Variants in UPF2 observed in about 807,000 individuals in gnomAD.
UPF2 encodes the protein UPF2 regulator of nonsense mediated mRNA decay.
In UPF2, 17 loss-of-function variants were observed where a neutral mutation model predicts 141.4. The observed-to-expected ratio is 0.12, with a 90% CI of 0.08 to 0.18. The LOEUF is 0.18. Ranked by LOEUF, UPF2 falls within the 10% of genes least tolerant of loss-of-function variation. The pLI is 1.00. For synonymous variants in UPF2, 540 were observed against 498.0 expected, an observed-to-expected ratio of 1.08 and a Z score of -1.12; for missense variants, 1,152 against 1,515.9, an observed-to-expected ratio of 0.76 and a Z score of 3.99.
chr10:11,939,148 G>A lies in UPF2; in HGVS notation c.3379-2436C>T, dbSNP rs1237505067. Among the ~76,000 whole-genome samples the A allele has an allele frequency of 6.6e-6, 1 of 152,032 alleles. No homozygotes were observed. The highest frequency in any genetic ancestry group is 1.5e-5 in the Non-Finnish European group (1 of 67,998). ...GCCTCCCAAAGTGATGGGATTACAG[G>A]CATTGAGCCACTGTGCCTGGCCAGC... is the stretch of plus-strand genomic sequence containing the variant. On this transcript the variant is annotated intron_variant, in intron 18 of 21. Coordinates refer to ENST00000357604, the MANE Select transcript of UPF2 (RefSeq NM_015542.4). The surrounding 1 kb of genome is among the most constrained non-coding windows in gnomAD (Gnocchi z 4.8).
chr10:12,001,136 C>T (rs926354973), intron 6 of UPF2, among the ~76,000 whole-genome samples: 3 of 152,050 alleles, frequency 2.0e-5, no homozygotes, highest in Admixed American at 6.6e-5. Context: ...TATTTAGGGC[C>T]GGGTGCGGTG....
chr10:11,940,176 G>A lies in UPF2; in HGVS notation c.3378+2489C>T, dbSNP rs528854238. On this transcript the variant is annotated intron_variant, in intron 18 of 21. Coordinates refer to ENST00000357604, the MANE Select transcript of UPF2 (RefSeq NM_015542.4). The surrounding 1 kb of genome is among the most constrained non-coding windows in gnomAD (Gnocchi z 4.2). The stretch of plus-strand genomic sequence containing the variant: ...CTCCAGCACAAAAAGCACATCTCCT[G>A]CAAAAATGTGAATTCGAACTTCCCT... Among the ~76,000 whole-genome samples the A allele has an allele frequency of 6.6e-6, 1 of 152,298 alleles. No individual in the cohort carries two copies. The highest frequency in any genetic ancestry group is 1.9e-4 in the East Asian group (1 of 5,186).
At chr10:11,985,653 A>T (rs1245539815) in intron 8 of UPF2, among the ~76,000 whole-genome samples, 1 of 151,832 alleles carries the variant, frequency 6.6e-6, no homozygotes, top group Non-Finnish European at 1.5e-5. Context: ...AACAAAAAAA[A>T]AGAATGCTTT....
At chr10:12,007,834 GTAATAATAATAA>G (rs140872031) in intron 4 of UPF2, among the ~76,000 whole-genome samples, 44 of 134,564 alleles carry the variant, frequency 3.3e-4, no homozygotes, top group Admixed American at 1.4e-3. Context: ...CCGTCTCAAA[GTAATAATAATAA>G]TAATAATAAT....
At chr10:11,954,867 ATGAG>A (rs1833125230) in intron 14 of UPF2, among the ~76,000 whole-genome samples, 1 of 150,758 alleles carries the variant, frequency 6.6e-6, no homozygotes, top group African/African-American at 2.4e-5. Flanking sequence ...CAGAATATAC[ATGAG>A]TGAGAAGAGA....
intron 1 of UPF2, among the ~76,000 whole-genome samples, chr10:12,041,552 C>T (rs1347406267): frequency 6.6e-6 from 1 of 152,150 alleles, no homozygotes; most frequent in African/African-American, 2.4e-5. Flanking sequence ...CTTTTAAAGA[C>T]ATTCCCTTGC....
At chr10:12,012,557 C>T (rs1489422676) in intron 4 of UPF2, among the ~76,000 whole-genome samples, 2 of 151,290 alleles carry the variant, frequency 1.3e-5, no homozygotes, top group African/African-American at 4.9e-5. Flanking sequence ...AGGTGTACCT[C>T]GGCCCACAGC....
At chr10:12,010,356 A>G (rs1307929078) in intron 4 of UPF2, among the ~76,000 whole-genome samples, 1 of 152,266 alleles carries the variant, frequency 6.6e-6, no homozygotes, top group Non-Finnish European at 1.5e-5. Flanking sequence ...ACTTTAAAAC[A>G]GTTATTGTAA....
intron 3 of UPF2, among the ~76,000 whole-genome samples, chr10:12,015,585 C>T (rs1248856229): frequency 6.6e-6 from 1 of 152,092 alleles, no homozygotes; most frequent in Non-Finnish European, 1.5e-5. Flanking sequence ...ACCTGTAATC[C>T]CAGTTACTCA....
chr10:11,986,716 T>C (rs1164306916), intron 8 of UPF2, among the ~76,000 whole-genome samples: 1 of 152,150 alleles, frequency 6.6e-6, no homozygotes, highest in Non-Finnish European at 1.5e-5. Flanking sequence ...CTGGGGTCAT[T>C]TACTCTGAAA....
rs1161633818 is a variant in UPF2 at position 11,921,964 on chromosome 10, AG to A, written c.3810-658del. 6.6e-6 allele frequency among the ~76,000 whole-genome samples: 1 copy of A among 152,218 alleles called. No homozygotes were observed. Among genetic ancestry groups the A allele is most frequent in the Admixed American group, 6.5e-5 (1 of 15,272 alleles). On this transcript the variant is annotated intron_variant, in intron 21 of 21. Coordinates refer to ENST00000357604, the MANE Select transcript of UPF2 (RefSeq NM_015542.4). The surrounding 1 kb of genome is among the most constrained non-coding windows in gnomAD (Gnocchi z 5.9). Reference sequence around the variant, plus strand: ...GCTGTAGACGTAATTACTTCAGATAAGGCCATACTGGAGCAGGGTGGAGCCC... The same window carrying A: ...GCTGTAGACGTAATTACTTCAGATAAGCCATACTGGAGCAGGGTGGAGCCC...
At chr10:11,955,649 G>T in intron 13 of UPF2, 142 bp from the exon 14 acceptor site, 1 of 841,718 alleles carries the variant, frequency 1.2e-6, no homozygotes, top group South Asian at 2.1e-5. Context: ...CTAATAAACT[G>T]GTTACTTCTA....
chr10:11,970,430 CT>C (rs370761112), intron 9 of UPF2, among the ~76,000 whole-genome samples: 2,385 of 147,996 alleles, frequency 0.016, 57 homozygotes, highest in African/African-American at 0.054. Flanking sequence ...TTTTTCTTTC[CT>C]TTTTTTTTTA....
chr10:11,963,091 CAG>C (rs1833265244), intron 11 of UPF2, among the ~76,000 whole-genome samples: 1 of 152,048 alleles, frequency 6.6e-6, no homozygotes, highest in South Asian at 2.1e-4. Context: ...GGGTCTAGCA[CAG>C]AGTTCACACC....
chr10:11,952,277 C>A, intron 14 of UPF2, 28 bp from the exon 15 acceptor site: 1 of 1,552,358 alleles, frequency 6.4e-7, no homozygotes, highest in Non-Finnish European at 8.7e-7. Flanking sequence ...ATAAATTTAG[C>A]TATAAGAAAT....
rs112179348 is a variant in UPF2, at chr10:12,013,531, C to T, written c.1306+493G>A. Among the ~76,000 whole-genome samples, 255 of 152,170 alleles carry T rather than the reference C, an allele frequency of 1.7e-3. 1 individual carries two copies. The highest frequency in any genetic ancestry group is 5.7e-3 in the African/African-American group (236 of 41,528). Reference sequence around the variant, plus strand: ...CTTGTGATCCTCCCGCCTCGGCCTCCCAAAGTGCTAGGATTACAGGCATGA... The same window carrying T: ...CTTGTGATCCTCCCGCCTCGGCCTCTCAAAGTGCTAGGATTACAGGCATGA... On this transcript the variant is annotated intron_variant, in intron 4 of 21. Coordinates refer to ENST00000357604, the MANE Select transcript of UPF2 (RefSeq NM_015542.4).
At chr10:11,982,564 C>T (rs772185683) in intron 8 of UPF2, among the ~76,000 whole-genome samples, 4 of 152,292 alleles carry the variant, frequency 2.6e-5, no homozygotes, top group East Asian at 3.9e-4. Context: ...TGTTTTGACC[C>T]GTTCCGAATA....
chr10:11,945,064 A>G (rs1459705352), intron 16 of UPF2, among the ~76,000 whole-genome samples: 1 of 152,254 alleles, frequency 6.6e-6, no homozygotes, highest in Non-Finnish European at 1.5e-5. Flanking sequence ...AATGCTCAGT[A>G]AATAACTATT....
At chr10:12,040,599 C>CAA in intron 1 of UPF2, among the ~76,000 whole-genome samples, 1 of 146,492 alleles carries the variant, frequency 6.8e-6, no homozygotes, top group Non-Finnish European at 1.5e-5. Context: ...TTTCCGTAAA[C>CAA]AAAAAAAAAA....
Sources: gnomAD v4.1 joint callset for allele counts (sites outside exome capture counted in the v4.1 genomes callset) on GRCh38, gnomAD v4.1.1 for gene constraint, Gnocchi (gnomAD v3.1) non-coding constraint, MANE v1.5 for transcripts, NCBI Gene and HGNC (gene_info 2026-07-23, HGNC 2026-07-21) for gene names.